The following CLCA2 variants were observed in gnomAD, a reference collection of about 807,000 sequenced individuals.
CLCA2 encodes calcium-activated chloride channel regulator 2.
In CLCA2, 85 loss-of-function variants were observed where a neutral mutation model predicts 82.9. The ratio of observed to expected loss-of-function variants is 1.03; its 90% confidence interval spans 0.86 to 1.23. CLCA2 has a LOEUF of 1.23. Ranked by LOEUF, CLCA2 falls within the 50% of genes most tolerant of loss-of-function variation. The pLI is 0.00. For synonymous variants in CLCA2, 421 were observed against 391.7 expected (o/e 1.07, Z -0.88); for missense variants, 1,089 against 1,124.8 (o/e 0.97, Z 0.45).
intron 4 of CLCA2, among the ~76,000 whole-genome samples, chr1:86,431,260 C>T (rs1399725810): frequency 1.3e-5 from 2 of 152,198 alleles, no homozygotes; most frequent in Non-Finnish European, 2.9e-5. Flanking sequence ...TAAGTAACCA[C>T]TTTGATTAGT....
rs201976159 is a variant in CLCA2 at position 86,428,446 on chromosome 1, G to A, written c.353G>A (p.Gly118Glu). The part of the protein sequence containing the change: ...KANVIVTDWY[G>E]AHGDDPYTLQ... The stretch of plus-strand genomic sequence containing the variant: ...AATGTCATAGTGACTGACTGGTATG[G>A]GGCACATGGAGATGATCCATACACC... The change falls in exon 3 of 14, where the codon GGG becomes GAG. Residue 118 changes from glycine (G) to glutamate (E), a missense_variant. Coordinates refer to ENST00000370565, the MANE Select transcript of CLCA2 (RefSeq NM_006536.7). 13 of 1,609,826 alleles carry A rather than the reference G, an allele frequency of 8.1e-6. No homozygotes were observed. Among genetic ancestry groups the A allele is most frequent in the East Asian group, 2.2e-5 (1 of 44,766 alleles).
At chr1:86,452,302 C>T (rs572073474) in intron 12 of CLCA2, among the ~76,000 whole-genome samples, 1 of 149,164 alleles carries the variant, frequency 6.7e-6, no homozygotes, top group South Asian at 2.1e-4. Context: ...CACTTTCTTG[C>T]CCTCCTCTCC....
In CLCA2 at chr1:86,425,315, AGTTTTTCTT is replaced by A. The variant is rs1662365439; in HGVS notation, c.187-23_187-15del. 1 of 1,520,312 alleles carries A rather than the reference AGTTTTTCTT, an allele frequency of 6.6e-7. No individual in the cohort carries two copies. 94.2% of individuals were successfully genotyped at this position (1,520,312 alleles called of 1,614,324 possible). The stretch of plus-strand genomic sequence containing the variant: ...TACAGGATTTACAAGTGGTAAAGTA[AGTTTTTCTT>A]TTGTCTGGCTGTAGGAAATGATAAC... On this transcript the variant is annotated splice_polypyrimidine_tract_variant and intron_variant, in intron 1 of 13. Coordinates refer to ENST00000370565, the MANE Select transcript of CLCA2 (RefSeq NM_006536.7).
At chr1:86,431,718 A>G (rs1159848372) in intron 4 of CLCA2, among the ~76,000 whole-genome samples, 2 of 152,206 alleles carry the variant, frequency 1.3e-5, no homozygotes, top group Non-Finnish European at 2.9e-5. Context: ...AGGAGCACTG[A>G]CCCAGGATCT....
At chr1:86,446,337 C>T (rs556789148) in intron 10 of CLCA2, among the ~76,000 whole-genome samples, 7 of 149,848 alleles carry the variant, frequency 4.7e-5, no homozygotes, top group Admixed American at 6.8e-5. Flanking sequence ...TTAACTTCTT[C>T]GATGCTCTGC....
At chr1:86,430,053 C>G (rs1392873797) in intron 3 of CLCA2, among the ~76,000 whole-genome samples, 2 of 152,090 alleles carry the variant, frequency 1.3e-5, no homozygotes, top group Non-Finnish European at 2.9e-5. Flanking sequence ...TATGCCACAG[C>G]CTGAGTCAAC....
At position 86,453,429 on chromosome 1, in the gene CLCA2, G is replaced by T. The variant is rs1162151264; in HGVS notation, c.2216G>T (p.Trp739Leu). The part of the protein sequence containing the change: ...SVGRNEEERK[W>L]GFSRVSSGGS... The stretch of plus-strand genomic sequence containing the variant: ...GGCAGAAATGAGGAGGAGCGAAAGT[G>T]GGGCTTTAGCCGAGTCAGCTCAGGA... Residue 739 changes from tryptophan to leucine, a missense_variant, in exon 13 of 14, where the codon TGG becomes TTG. Coordinates refer to ENST00000370565, the MANE Select transcript of CLCA2 (RefSeq NM_006536.7). 1.9e-6 allele frequency: 3 copies of T among 1,614,114 alleles called. No individual in the cohort carries two copies. Among genetic ancestry groups the T allele is most frequent in the African/African-American group, 2.7e-5 (2 of 75,012 alleles).
Position 86,434,612 on chromosome 1 carries a change from C to G in CLCA2, c.839C>G (p.Thr280Arg). The change falls in exon 6 of 14, where the codon ACA becomes AGA. Residue 280 changes from threonine to arginine, a missense_variant. Thr to Arg is a moderately conservative substitution (Grantham distance 71). Coordinates refer to ENST00000370565, the MANE Select transcript of CLCA2 (RefSeq NM_006536.7). ...CTCAGAAGTGCATGGGATGTAATCA[C>G]AGACTCTGCTGACTTTCACCACAGC... ...CSLRSAWDVI[T>R]DSADFHHSFP... 1 of 1,614,108 alleles carries G rather than the reference C, an allele frequency of 6.2e-7. No homozygotes were observed. Among genetic ancestry groups the G allele is most frequent in the Non-Finnish European group, 8.5e-7 (1 of 1,179,998 alleles).
At chr1:86,435,058 T>C (rs1171977973) in intron 6 of CLCA2, among the ~76,000 whole-genome samples, 2 of 152,208 alleles carry the variant, frequency 1.3e-5, no homozygotes, top group Non-Finnish European at 2.9e-5. Context: ...GTCTTCCAAG[T>C]AGCTGGGACT....
chr1:86,432,216 G>A (rs1662515063), intron 4 of CLCA2, among the ~76,000 whole-genome samples, 153 bp from the exon 5 acceptor site: 1 of 152,126 alleles, frequency 6.6e-6, no homozygotes, highest in Non-Finnish European at 1.5e-5. Flanking sequence ...GATTACAGGT[G>A]TGAGCCACAG....
At chr1:86,434,446 T>A (rs1021911945) in intron 5 of CLCA2, 72 bp from the exon 6 acceptor site, 2 of 1,272,168 alleles carry the variant, frequency 1.6e-6, no homozygotes, top group African/African-American at 2.9e-5. Context: ...TACCTATAGT[T>A]CCTTGAGAAT....
At chr1:86,437,417 T>C (rs1192754415) in intron 6 of CLCA2, among the ~76,000 whole-genome samples, 1 of 152,066 alleles carries the variant, frequency 6.6e-6, no homozygotes, top group East Asian at 1.9e-4. Flanking sequence ...CACCTGGCGC[T>C]GTAGAAGAAA....
chr1:86,444,404 G>A (rs1473870076), intron 10 of CLCA2, among the ~76,000 whole-genome samples: 1 of 152,094 alleles, frequency 6.6e-6, no homozygotes, highest in Non-Finnish European at 1.5e-5. Flanking sequence ...GGGTGTGCTG[G>A]GTTTTGTTCC....
At chr1:86,454,399 A>G (rs564687839) in intron 13 of CLCA2, among the ~76,000 whole-genome samples, 1 of 152,248 alleles carries the variant, frequency 6.6e-6, no homozygotes, top group South Asian at 2.1e-4. Flanking sequence ...CCACATTGCT[A>G]TTTTTTAGAC....
rs1453159407 is a variant in CLCA2, at chr1:86,455,901, TTTGA to T, written c.*377_*380del. On this transcript the variant is annotated 3_prime_UTR_variant, in exon 14 of 14. Coordinates refer to ENST00000370565, the MANE Select transcript of CLCA2 (RefSeq NM_006536.7). Reference sequence around the variant, plus strand: ...CTGTGTGAAGCAATCATTTAGTTACTTTGATTAATTTTTCTTTTCTCCTTATCTG... The same window carrying T: ...CTGTGTGAAGCAATCATTTAGTTACTTTAATTTTTCTTTTCTCCTTATCTG... 1 of 154,082 alleles carries T rather than the reference TTTGA, an allele frequency of 6.5e-6. No homozygotes were observed. Among genetic ancestry groups the T allele is most frequent in the Non-Finnish European group, 1.4e-5 (1 of 69,378 alleles). The allele number at this position is 154,082 out of a possible 1,614,324, so 9.5% of individuals were successfully genotyped here.
chr1:86,434,895 T>G, intron 6 of CLCA2, 150 bp downstream of exon 6: 1 of 654,266 alleles, frequency 1.5e-6, no homozygotes, highest in Non-Finnish European at 2.6e-6. Flanking sequence ...TTGCTGCACC[T>G]ATCAACCCAT....
chr1:86,440,623 G>A (rs1177129339), intron 8 of CLCA2, among the ~76,000 whole-genome samples: 11 of 152,068 alleles, frequency 7.2e-5, no homozygotes, highest in Non-Finnish European at 1.3e-4. Context: ...CTTTGTGGGC[G>A]GGCGCGGTGG....
chr1:86,439,112 G>T lies in CLCA2; in HGVS notation c.1203+6G>T. On this transcript the variant is annotated splice_donor_region_variant and intron_variant, in intron 7 of 13. Transcript: ENST00000370565. ...GGCTTAAGAAAGGATTTGAGGTACAGTAGAGCATCCTAAGCCTTGGATCAC... is the reference window on the plus strand; with the variant it reads ...GGCTTAAGAAAGGATTTGAGGTACATTAGAGCATCCTAAGCCTTGGATCAC... 1 of 1,611,814 alleles carries T rather than the reference G, an allele frequency of 6.2e-7. No homozygotes were observed. The highest frequency in any genetic ancestry group is 2.2e-5 in the East Asian group (1 of 44,824).
At chr1:86,453,230 G>C in intron 12 of CLCA2, 139 bp from the exon 13 acceptor site, 1 of 624,942 alleles carries the variant, frequency 1.6e-6, no homozygotes, top group South Asian at 2.0e-5. Flanking sequence ...AGTGTTCAAA[G>C]TATTGTACAA....
Sources: gnomAD v4.1 joint callset for allele counts (sites outside exome capture counted in the v4.1 genomes callset) on GRCh38, gnomAD v4.1.1 for gene constraint, MANE v1.5 for transcripts, NCBI Gene and HGNC (gene_info 2026-07-23, HGNC 2026-07-21) for gene names.